DSC2: variants seen among roughly 807,000 people sequenced by gnomAD.
DSC2 encodes the protein desmocollin 2, also known as desmocollin-2.
Under a neutral mutation model 87.6 loss-of-function variants are expected in DSC2, and 51 were observed. The ratio of observed to expected loss-of-function variants is 0.58; its 90% CI spans 0.46 to 0.74. The LOEUF is 0.74. Ranked by LOEUF, DSC2 falls within the 30% of genes least tolerant of loss-of-function variation. The pLI, the probability that DSC2 is intolerant of heterozygous loss-of-function variation, is 0.00. For missense variants in DSC2, 1,066 were observed against 1,089.5 expected (o/e 0.98, Z 0.30); for synonymous variants, 383 against 393.2 (o/e 0.97, Z 0.31).
At position 31,081,698 on chromosome 18, in the gene DSC2, G is replaced by T. The variant is rs753990178; in HGVS notation, c.1263+540C>A. Among the ~76,000 whole-genome samples the T allele has an allele frequency of 2.2e-4, 34 of 152,268 alleles. No individual in the cohort carries two copies. The Middle Eastern group carries it at 0.02, about 91-fold the overall frequency. ...GTCCAAGGCTAAAGGAGCTCAGATT[G>T]CTTTATGCACTAACTCTGGCTGCTG... is the stretch of plus-strand genomic sequence containing the variant. On this transcript the variant is annotated intron_variant, in intron 9 of 15. Coordinates refer to ENST00000280904, the MANE Select transcript of DSC2 (RefSeq NM_024422.6).
Position 31,069,101 on chromosome 18 carries a change from T to C in DSC2, c.2301A>G (p.Gly767=), listed in dbSNP as rs771675536. The C allele has an allele frequency of 6.2e-7, 1 of 1,614,002 alleles. No homozygotes were observed. Residue 767 remains glycine (G), a synonymous_variant, in exon 15 of 16, where the codon GGA becomes GGG. Coordinates refer to ENST00000280904, the MANE Select transcript of DSC2 (RefSeq NM_024422.6). The stretch of plus-strand genomic sequence containing the variant: ...TTCCTGATCCCACGGTGCCACAAAC[T>C]CCCTGAGCAGAAGCGCCCACAGTTT... ...TTQTVGASAQ[G]VCGTVGSGIK... is the part of the protein sequence containing the mutation.
chr18:31,076,479 A>C (rs1467221420), intron 11 of DSC2, among the ~76,000 whole-genome samples: 2 of 152,224 alleles, frequency 1.3e-5, no homozygotes, highest in African/African-American at 4.8e-5. Context: ...CAACAAAAGC[A>C]CCAGTCAAAA....
In DSC2 at chr18:31,089,476, G is replaced by A. The variant is rs1395931570; in HGVS notation, c.593C>T (p.Thr198Ile). 2 of 1,613,716 alleles carry A rather than the reference G, an allele frequency of 1.2e-6. No homozygotes were observed. Residue 198 changes from threonine (T) to isoleucine (I), a missense_variant, in exon 5 of 16, where the codon ACT (threonine) becomes ATT (isoleucine). Coordinates refer to ENST00000280904, the MANE Select transcript of DSC2 (RefSeq NM_024422.6). Reference sequence around the variant, plus strand: ...ATACTGCTCACGATCTACAGGACGAGTACAATACAAGTTTCCAGTGTCTCT... The same window carrying A: ...ATACTGCTCACGATCTACAGGACGAATACAATACAAGTTTCCAGTGTCTCT... ...VERDTGNLYC[T>I]RPVDREQYES...
rs1029509043 is a variant in DSC2 at position 31,061,730 on chromosome 18, C to T, written c.*6285G>A. 1 of 152,010 alleles carries T rather than the reference C, an allele frequency of 6.6e-6. No individual in the cohort carries two copies. Among genetic ancestry groups the T allele is most frequent in the African/African-American group, 2.4e-5 (1 of 41,386 alleles). 9.4% of individuals were successfully genotyped at this position (152,010 alleles called of 1,614,324 possible). The stretch of plus-strand genomic sequence containing the variant: ...AAATATCTAAAGTTTAAAATGCAGC[C>T]TCATAATGTATCTATTTGCTTAATT... On this transcript the variant is annotated 3_prime_UTR_variant, in exon 16 of 16. Transcript: ENST00000280904.
chr18:31,075,622 G>T (rs1226116305), intron 11 of DSC2, among the ~76,000 whole-genome samples: 3 of 152,138 alleles, frequency 2.0e-5, no homozygotes, highest in Non-Finnish European at 4.4e-5. Flanking sequence ...AAGCCGAGGT[G>T]GGCAGATCAC....
Position 31,062,382 on chromosome 18 carries a change from TAG to T in DSC2, c.*5631_*5632del, listed in dbSNP as rs1255474238. 1.5e-5 allele frequency: 2 copies of T among 133,294 alleles called. No individual in the cohort carries two copies. The highest frequency in any genetic ancestry group is 5.7e-5 in the African/African-American group (2 of 34,790). 8.3% of individuals were successfully genotyped at this position (133,294 alleles called of 1,614,324 possible). A position where few individuals can be genotyped will look rare whatever the true frequency, so the allele number is the denominator to read the frequency against. The stretch of plus-strand genomic sequence containing the variant: ...TTTTAGTTGCTTTTCCTCAGGTGGT[TAG>T]AGAGTGGCCTTTTGGTTAAAAAAAA... On this transcript the variant is annotated 3_prime_UTR_variant, in exon 16 of 16. Transcript: ENST00000280904.
In DSC2 at chr18:31,068,151, T is replaced by C. The variant is rs1986692806; in HGVS notation, c.2570A>G (p.Tyr857Cys). The C allele has an allele frequency of 6.2e-7, 1 of 1,614,118 alleles. No homozygotes were observed. Among genetic ancestry groups the C allele is most frequent in the South Asian group, 1.1e-5 (1 of 91,076 alleles). ...HKHAQDYVLT[Y>C]NYEGRGSVAG... is the part of the protein sequence containing the mutation. ...CACCGATCCTCTTCCTTCATAGTTA[T>C]ATGTCAGGACATAGTCTTGGGCATG... Residue 857 changes from tyrosine (Y) to cysteine (C), a missense_variant, in exon 16 of 16, where the codon TAT (tyrosine) becomes TGT (cysteine). By Grantham distance (194) the Tyr-to-Cys change is radical (BLOSUM62 -2). Transcript: ENST00000280904.
intron 11 of DSC2, 43 bp downstream of exon 11, chr18:31,079,804 G>A: frequency 6.2e-7 from 1 of 1,611,478 alleles, no homozygotes; most frequent in Non-Finnish European, 8.5e-7. Flanking sequence ...GAAGATGTAT[G>A]TAGCCAAGGA....
chr18:31,079,960 C>T lies in DSC2; in HGVS notation c.1550G>A (p.Trp517Ter). 5 of 1,613,928 alleles carry T rather than the reference C, an allele frequency of 3.1e-6. No individual in the cohort carries two copies. In the South Asian group the frequency reaches 4.4e-5, roughly 14 times the overall value. Residue 517 changes from tryptophan to a stop codon, truncating the protein, a stop_gained, in exon 11 of 16, where the codon TGG (tryptophan) becomes TAG (stop). Transcript: ENST00000280904. LOFTEE classifies it high-confidence loss of function. The stretch of plus-strand genomic sequence containing the variant: ...TCCTGTATTTTCATCAATGGTGACC[C>T]ACCCTGTTGGATCAGTTAATTTCTT... ...RYKKLTDPTG[W>*]VTIDENTGSI...
intron 1 of DSC2, among the ~76,000 whole-genome samples, chr18:31,094,671 A>G (rs974674874): frequency 2.0e-5 from 3 of 152,228 alleles, no homozygotes; most frequent in African/African-American, 7.2e-5. Context: ...CAAAATTTGG[A>G]TGGAAATGTT....
At chr18:31,072,561 A>T in intron 12 of DSC2, among the ~76,000 whole-genome samples, 1 of 152,242 alleles carries the variant, frequency 6.6e-6, no homozygotes, top group East Asian at 1.9e-4. Flanking sequence ...TGTGAGACAC[A>T]CGTCTCTCAA....
intron 13 of DSC2, 124 bp from the exon 14 acceptor site, chr18:31,070,974 T>C: frequency 8.2e-7 from 1 of 1,221,252 alleles, no homozygotes; most frequent in Non-Finnish European, 1.2e-6. Flanking sequence ...ACAGCTTTCC[T>C]GGATTGCTTG....
chr18:31,069,193 A>G (rs1422675144), intron 14 of DSC2, 42 bp from the exon 15 acceptor site: 2 of 1,612,910 alleles, frequency 1.2e-6, no homozygotes, highest in Non-Finnish European at 1.7e-6. Context: ...TACAGAGAGG[A>G]ACACAAAATT....
chr18:31,073,603 G>T (rs1386363769), intron 12 of DSC2, among the ~76,000 whole-genome samples: 2 of 152,122 alleles, frequency 1.3e-5, no homozygotes, highest in African/African-American at 2.4e-5. Context: ...CTGAAAGCAT[G>T]GGGCTGAAAA....
rs1379363944 is a variant in DSC2, at chr18:31,071,718, C to T, written c.2012G>A (p.Cys671Tyr). 1.2e-6 allele frequency: 2 copies of T among 1,613,982 alleles called. No homozygotes were observed. The highest frequency in any genetic ancestry group is 1.7e-5 in the Admixed American group (1 of 60,018). The change falls in exon 13 of 16, where the codon TGC (cysteine) becomes TAC (tyrosine). Residue 671 changes from cysteine (C) to tyrosine (Y), a missense_variant. By Grantham distance (194) the Cys-to-Tyr change is radical. Coordinates refer to ENST00000280904, the MANE Select transcript of DSC2 (RefSeq NM_024422.6). ...VTSLDVTLCDCITENDCTHRV... is the reference protein window; with the variant it reads ...VTSLDVTLCDYITENDCTHRV... ...ATGTGTGCAGTCATTTTCGGTAATG[C>T]AGTCACACAGTGTAACATCCAATGA... is the stretch of plus-strand genomic sequence containing the variant.
intron 9 of DSC2, 131 bp from the exon 10 acceptor site, chr18:31,080,483 A>C: frequency 1.8e-6 from 2 of 1,092,532 alleles, no homozygotes; most frequent in Non-Finnish European, 2.6e-6. Context: ...AATATGAAAC[A>C]TATATCCAGT....
rs1342919755 is a variant in DSC2, at chr18:31,060,935, A to C, written c.*7080T>G. 6.6e-6 allele frequency: 1 copy of C among 152,204 alleles called. No individual in the cohort carries two copies. Among genetic ancestry groups the C allele is most frequent in the Non-Finnish European group, 1.5e-5 (1 of 68,034 alleles). The allele number at this position is 152,204 out of a possible 1,614,324, so 9.4% of individuals were successfully genotyped here. A position where few individuals can be genotyped will look rare whatever the true frequency, so the allele number is the denominator to read the frequency against. The stretch of plus-strand genomic sequence containing the variant: ...TTTGCTTAATATGTTTTATATGAAA[A>C]GGCAAATTTTAAATACTTAAGTTTC... On this transcript the variant is annotated 3_prime_UTR_variant, in exon 16 of 16. Transcript: ENST00000280904.
rs762223215 is a variant in DSC2 at position 31,074,692 on chromosome 18, C to T, written c.1879G>A (p.Ala627Thr). 5.6e-6 allele frequency: 9 copies of T among 1,613,662 alleles called. No individual in the cohort carries two copies. The highest frequency in any genetic ancestry group is 7.6e-6 in the Non-Finnish European group (9 of 1,179,878). The change falls in exon 12 of 16, where the codon GCA becomes ACA. Residue 627 changes from alanine to threonine, a missense_variant. Physicochemically the swap from Ala to Thr is moderately conservative, Grantham distance 58 (BLOSUM62 0). Coordinates refer to ENST00000280904, the MANE Select transcript of DSC2 (RefSeq NM_024422.6). ...SEVQRMWRLK[A>T]INDTAARLSY... ...TTTCAAAAATATATACCATTAATTG[C>T]TTTCAGTCTCCACATTCTCTGTACT... is the stretch of plus-strand genomic sequence containing the variant.
chr18:31,100,714 C>T (rs1987913943), intron 1 of DSC2, among the ~76,000 whole-genome samples: 1 of 152,182 alleles, frequency 6.6e-6, no homozygotes, highest in African/African-American at 2.4e-5. Flanking sequence ...TTTCAGCCCC[C>T]AGTTCACTTC....
Sources: allele counts gnomAD v4.1 joint callset (sites outside exome capture counted in the v4.1 genomes callset), GRCh38; gene constraint gnomAD v4.1.1; transcripts MANE v1.5; gene names NCBI Gene and HGNC (gene_info 2026-07-23, HGNC 2026-07-21).